The following GRIK2 variants were observed in gnomAD, a reference collection of about 807,000 sequenced individuals.
GRIK2 encodes glutamate receptor ionotropic, kainate 2.
Under a neutral mutation model 100.3 loss-of-function variants are expected in GRIK2, and 32 were observed. The ratio of observed to expected loss-of-function variants is 0.32; its 90% CI spans 0.24 to 0.43. The LOEUF (loss-of-function observed/expected upper bound fraction) is 0.43, where lower values mean the gene tolerates loss of function less well. Among genes scored for constraint, GRIK2 ranks in the 20% least tolerant of loss-of-function variants. GRIK2 has a pLI of 1.00. For synonymous variants in GRIK2, 417 were observed against 389.4 expected (o/e 1.07, Z -0.83); for missense variants, 843 against 1,114.9 (o/e 0.76, Z 3.47).
rs138703443 is a variant in GRIK2, at chr6:101,894,038, T to C, written c.1748+4175T>C. On this transcript the variant is annotated intron_variant, in intron 12 of 16. Coordinates refer to ENST00000369134, the MANE Select transcript of GRIK2 (RefSeq NM_021956.5). ...AAAGGAAATATGAGGAAGATTGTTATGTTGTCATTAGACTACTAGATTAGA... is the reference window on the plus strand; with the variant it reads ...AAAGGAAATATGAGGAAGATTGTTACGTTGTCATTAGACTACTAGATTAGA... Among the ~76,000 whole-genome samples the C allele has an allele frequency of 7.9e-3, 1,206 of 151,740 alleles. 22 individuals are homozygous for C. The highest frequency in any genetic ancestry group is 0.027 in the African/African-American group (1,141 of 41,516).
At chr6:101,404,006 G>T (rs1480310987) in intron 2 of GRIK2, among the ~76,000 whole-genome samples, 1 of 152,192 alleles carries the variant, frequency 6.6e-6, no homozygotes, top group African/African-American at 2.4e-5. Flanking sequence ...TTCAGAAAAT[G>T]ACTTTGAAAA....
intron 4 of GRIK2, among the ~76,000 whole-genome samples, chr6:101,659,463 C>A (rs1239000104): frequency 2.0e-5 from 3 of 152,030 alleles, no homozygotes; most frequent in Admixed American, 6.6e-5. Flanking sequence ...CAGCTTTGTT[C>A]TTTTTGCTTA....
At chr6:101,662,995 A>G (rs886584224) in intron 4 of GRIK2, among the ~76,000 whole-genome samples, 19 of 152,144 alleles carry the variant, frequency 1.2e-4, no homozygotes, top group African/African-American at 4.6e-4. Flanking sequence ...GGGGTTGATG[A>G]TATTATTTCT....
chr6:101,511,523 C>T (rs762750813), intron 2 of GRIK2, among the ~76,000 whole-genome samples: 1 of 151,786 alleles, frequency 6.6e-6, no homozygotes, highest in Non-Finnish European at 1.5e-5. Context: ...ATATATTAAG[C>T]ATTTTGGACA....
At chr6:101,989,140 A>G (rs938159665) in intron 14 of GRIK2, among the ~76,000 whole-genome samples, 3 of 152,000 alleles carry the variant, frequency 2.0e-5, no homozygotes, top group Non-Finnish European at 2.9e-5. Context: ...TCTTTCCATG[A>G]TATGTTTTGT....
intron 7 of GRIK2, among the ~76,000 whole-genome samples, chr6:101,779,032 TCA>T (rs1433500411): frequency 1.3e-5 from 2 of 152,266 alleles, no homozygotes; most frequent in Non-Finnish European, 2.9e-5. Flanking sequence ...ATATATAAGA[TCA>T]AAATATTAAT....
At chr6:101,971,091 A>T (rs1008892012) in intron 14 of GRIK2, among the ~76,000 whole-genome samples, 1 of 150,866 alleles carries the variant, frequency 6.6e-6, no homozygotes, top group Non-Finnish European at 1.5e-5. Context: ...AATTTTAGAA[A>T]AAGTTGTGAA....
chr6:102,014,564 T>G (rs1795727868), intron 14 of GRIK2, among the ~76,000 whole-genome samples: 1 of 152,116 alleles, frequency 6.6e-6, no homozygotes, highest in Non-Finnish European at 1.5e-5. Flanking sequence ...TTCTAACATT[T>G]TGATGTGGGC....
At chr6:101,686,597 C>T (rs1014441008) in intron 7 of GRIK2, among the ~76,000 whole-genome samples, 21 of 152,056 alleles carry the variant, frequency 1.4e-4, no homozygotes, top group African/African-American at 4.3e-4. Flanking sequence ...GGTACTACAA[C>T]ATAGGAATTT....
intron 14 of GRIK2, among the ~76,000 whole-genome samples, chr6:102,007,679 G>A (rs560147993): frequency 2.0e-5 from 3 of 152,166 alleles, no homozygotes; most frequent in African/African-American, 7.2e-5. Flanking sequence ...TTAGATGATA[G>A]TGGTGGAGGA....
intron 16 of GRIK2, among the ~76,000 whole-genome samples, chr6:102,063,683 A>G (rs143922943): frequency 6.6e-6 from 1 of 150,406 alleles, no homozygotes; most frequent in Non-Finnish European, 1.5e-5. Context: ...ATCAACAATG[A>G]TATTCTTGAA....
chr6:101,658,227 C>G (rs1769341675), intron 4 of GRIK2, among the ~76,000 whole-genome samples: 1 of 152,108 alleles, frequency 6.6e-6, no homozygotes, highest in Non-Finnish European at 1.5e-5. Context: ...CCAACAGACC[C>G]TGGTGTGTGA....
intron 2 of GRIK2, among the ~76,000 whole-genome samples, chr6:101,488,234 G>A (rs1447067048): frequency 6.8e-6 from 1 of 146,362 alleles, no homozygotes; most frequent in Admixed American, 6.8e-5. Context: ...TATAAAGAAT[G>A]CTTAAGAAAA....
intron 2 of GRIK2, among the ~76,000 whole-genome samples, chr6:101,532,350 T>A (rs145792773): frequency 6.6e-5 from 10 of 152,150 alleles, no homozygotes; most frequent in East Asian, 1.9e-4. Context: ...ACTCCTCTTA[T>A]GTACCTTTTG....
chr6:101,659,104 A>T (rs543743027), intron 4 of GRIK2, among the ~76,000 whole-genome samples: 1 of 151,524 alleles, frequency 6.6e-6, no homozygotes, highest in African/African-American at 2.4e-5. Context: ...TTTGCTCTGA[A>T]TCATATTGCC....
At chr6:101,691,641 G>A (rs1772105797) in intron 7 of GRIK2, among the ~76,000 whole-genome samples, 2 of 152,066 alleles carry the variant, frequency 1.3e-5, no homozygotes, top group South Asian at 2.1e-4. Context: ...AGTATAGTAA[G>A]TTAGAAGAGT....
intron 10 of GRIK2, among the ~76,000 whole-genome samples, chr6:101,843,065 C>T (rs1428040307): frequency 6.6e-6 from 1 of 152,142 alleles, no homozygotes; most frequent in East Asian, 1.9e-4. Flanking sequence ...CGATTGGCTC[C>T]ATCTTTCTTT....
intron 11 of GRIK2, among the ~76,000 whole-genome samples, chr6:101,876,351 TC>T (rs1423839964): frequency 6.6e-6 from 1 of 151,866 alleles, no homozygotes; most frequent in Non-Finnish European, 1.5e-5. Flanking sequence ...AGAATCTGGA[TC>T]CTTTTTTATA....
At position 101,434,173 on chromosome 6, in the gene GRIK2, A is replaced by G. The variant is rs1769584880; in HGVS notation, c.115+34781A>G. Among the ~76,000 whole-genome samples the G allele has an allele frequency of 2.0e-5, 3 of 152,160 alleles. No individual in the cohort carries two copies. The South Asian group carries it at 6.2e-4, about 32-fold the overall frequency. On this transcript the variant is annotated intron_variant, in intron 2 of 16. Coordinates refer to ENST00000369134, the MANE Select transcript of GRIK2 (RefSeq NM_021956.5). ...TACTTATTCCTGTGTGTGAGTTGGG[A>G]CTAACAGCAGCAGAGTTCTAGAGGC...
Sources: gnomAD v4.1 joint callset for allele counts (sites outside exome capture counted in the v4.1 genomes callset) on GRCh38, gnomAD v4.1.1 for gene constraint, MANE v1.5 for transcripts, NCBI Gene and HGNC (gene_info 2026-07-23, HGNC 2026-07-21) for gene names.